KLF12: variants seen among roughly 807,000 people sequenced by gnomAD.
The protein encoded by KLF12 is Krueppel-like factor 12.
In KLF12, 9 loss-of-function variants were observed where a neutral mutation model predicts 37.8. The ratio of observed to expected loss-of-function variants is 0.24; its 90% CI spans 0.14 to 0.42. The LOEUF (loss-of-function observed/expected upper bound fraction) is 0.42, where lower values mean the gene tolerates loss of function less well. Ranked by LOEUF, KLF12 falls within the 10% of genes least tolerant of loss-of-function variation. KLF12 has a pLI of 1.00. For synonymous variants in KLF12, 208 were observed against 202.1 expected (o/e 1.03, Z -0.25); for missense variants, 411 against 516.0 (o/e 0.80, Z 1.97).
chr13:73,958,723 T>C (rs1890926513), intron 2 of KLF12, among the ~76,000 whole-genome samples: 1 of 152,122 alleles, frequency 6.6e-6, no homozygotes. Context: ...ATCTTACCTG[T>C]AGTTTCCACC....
intron 3 of KLF12, among the ~76,000 whole-genome samples, chr13:73,918,122 C>CAGAG (rs377753257): frequency 1.2e-4 from 18 of 149,864 alleles, no homozygotes; most frequent in South Asian, 8.4e-4. Context: ...TCTATGTATA[C>CAGAG]AGAGAGAGAG....
intron 1 of KLF12, among the ~76,000 whole-genome samples, chr13:74,114,506 A>G (rs1877169763): frequency 6.6e-6 from 1 of 152,210 alleles, no homozygotes; most frequent in Admixed American, 6.5e-5. Flanking sequence ...AGGTATGCCT[A>G]TAATTAAGGT....
At chr13:74,258,212 C>T in the KLF12 span, 12 of 137,750 alleles carry the variant, frequency 8.7e-5, no homozygotes, top group African/African-American at 3.1e-4. Flanking sequence ...TGTAGTAAAA[C>T]CAAAGTTTCC....
intron 6 of KLF12, among the ~76,000 whole-genome samples, chr13:73,717,708 G>C (rs936824385): frequency 2.6e-5 from 4 of 152,166 alleles, no homozygotes; most frequent in African/African-American, 9.7e-5. Flanking sequence ...TTATCAATGT[G>C]GATCTGTGGT....
chr13:73,833,643 A>G (rs1303598602), intron 4 of KLF12, among the ~76,000 whole-genome samples: 2 of 152,270 alleles, frequency 1.3e-5, no homozygotes, highest in African/African-American at 4.8e-5. Context: ...GTACTGTTTC[A>G]GAAAAGAAGG....
At chr13:73,895,493 C>T (rs1156471036) in intron 3 of KLF12, among the ~76,000 whole-genome samples, 8 of 152,186 alleles carry the variant, frequency 5.3e-5, no homozygotes, top group African/African-American at 1.9e-4. Context: ...AGACCTGAAA[C>T]ATTAGAAAAG....
At chr13:74,178,525 C>T in the KLF12 span, among the ~76,000 whole-genome samples, 1 of 152,168 alleles carries the variant, frequency 6.6e-6, no homozygotes, top group African/African-American at 2.4e-5. Context: ...TTTTGACAAT[C>T]TCTGTCTTAG....
chr13:73,870,836 T>C (rs1886428419), intron 3 of KLF12, among the ~76,000 whole-genome samples: 1 of 152,354 alleles, frequency 6.6e-6, no homozygotes. Flanking sequence ...AGGGGCCTTC[T>C]ACTCTCCAGA....
chr13:73,999,292 A>G (rs1375295834), intron 1 of KLF12, among the ~76,000 whole-genome samples: 1 of 152,216 alleles, frequency 6.6e-6, no homozygotes, highest in Admixed American at 6.5e-5. Flanking sequence ...ATAAGTATCC[A>G]ATGCTCACTA....
At chr13:73,925,190 C>G (rs1194498436) in intron 3 of KLF12, among the ~76,000 whole-genome samples, 1 of 152,202 alleles carries the variant, frequency 6.6e-6, no homozygotes, top group Non-Finnish European at 1.5e-5. Context: ...TCAGTGTATA[C>G]AGAACAACCT....
At chr13:73,980,650 C>T (rs1400879571) in intron 2 of KLF12, among the ~76,000 whole-genome samples, 1 of 152,108 alleles carries the variant, frequency 6.6e-6, no homozygotes, top group African/African-American at 2.4e-5. Context: ...AAAAAGATGA[C>T]CATTCAATAG....
intron 4 of KLF12, among the ~76,000 whole-genome samples, chr13:73,821,921 T>C (rs528036738): frequency 9.2e-5 from 14 of 152,342 alleles, no homozygotes; most frequent in African/African-American, 3.4e-4. Context: ...ATACTTTGTA[T>C]TTATATATTT....
At chr13:73,989,064 T>C (rs1288431957) in intron 2 of KLF12, among the ~76,000 whole-genome samples, 1 of 152,200 alleles carries the variant, frequency 6.6e-6, no homozygotes, top group Non-Finnish European at 1.5e-5. Context: ...AAGTTCAATA[T>C]TCTCCATGTG....
At chr13:73,886,474 G>A (rs1234384691) in intron 3 of KLF12, among the ~76,000 whole-genome samples, 1 of 151,954 alleles carries the variant, frequency 6.6e-6, no homozygotes, top group Non-Finnish European at 1.5e-5. Context: ...TGGAAAAATA[G>A]GGGGGTAGGG....
At chr13:73,845,196 T>G (rs1268571786) in intron 4 of KLF12, 1 of 152,194 alleles carries the variant, frequency 6.6e-6, no homozygotes, top group East Asian at 1.9e-4. Context: ...TTGAAATATT[T>G]CCAGTATATT....
intron 3 of KLF12, among the ~76,000 whole-genome samples, chr13:73,926,630 C>CT (rs58514840): frequency 0.021 from 2,988 of 144,790 alleles, 93 homozygotes; most frequent in African/African-American, 0.071. Flanking sequence ...CTCTCTCTCT[C>CT]TTTTTTTTTT....
At chr13:74,021,672 T>A (rs954281951) in intron 1 of KLF12, among the ~76,000 whole-genome samples, 13 of 152,140 alleles carry the variant, frequency 8.5e-5, no homozygotes, top group African/African-American at 2.7e-4. Flanking sequence ...ATGCTACAAA[T>A]AAGGGCCTTT....
At chr13:73,777,812 C>T (rs1323984980) in intron 5 of KLF12, among the ~76,000 whole-genome samples, 1 of 151,840 alleles carries the variant, frequency 6.6e-6, no homozygotes, top group Non-Finnish European at 1.5e-5. Context: ...CCTCCTCTTT[C>T]CCTCCCTTAC....
the KLF12 span, among the ~76,000 whole-genome samples, chr13:74,170,423 A>T: frequency 1.3e-3 from 196 of 152,284 alleles, no homozygotes; most frequent in African/African-American, 4.5e-3. Flanking sequence ...TAAATTTTCA[A>T]CTTCTTTAAG....
Sources: allele counts gnomAD v4.1 joint callset (sites outside exome capture counted in the v4.1 genomes callset), GRCh38; gene constraint gnomAD v4.1.1; transcripts MANE v1.5; gene names NCBI Gene and HGNC (gene_info 2026-07-23, HGNC 2026-07-21).